The following KSR2 variants were observed in gnomAD, a reference collection of about 807,000 sequenced individuals.
KSR2 encodes the protein kinase suppressor of ras 2.
KSR2 carries 25 observed loss-of-function variants against 107.8 expected under a neutral mutation model. That is an observed-to-expected ratio of 0.23 (90% CI 0.17 to 0.32). KSR2 has a LOEUF of 0.32. KSR2 is among the 10% of genes least tolerant of loss of function. The pLI, the probability that KSR2 is intolerant of heterozygous loss-of-function variation, is 1.00. For missense variants in KSR2, 887 were observed against 1,268.9 expected, an observed-to-expected ratio of 0.70 and a Z score of 4.57; for synonymous variants, 480 against 507.0, an observed-to-expected ratio of 0.95 and a Z score of 0.71.
chr12:117,593,697 G>A (rs1880460113), intron 5 of KSR2, among the ~76,000 whole-genome samples: 1 of 152,238 alleles, frequency 6.6e-6, no homozygotes, highest in African/African-American at 2.4e-5. Flanking sequence ...GTTTACCTGA[G>A]GATCAGACAC....
chr12:117,790,983 C>T (rs1468686923), intron 3 of KSR2, among the ~76,000 whole-genome samples: 10 of 152,196 alleles, frequency 6.6e-5, no homozygotes, highest in Admixed American at 6.5e-4. Context: ...GTTTTGCAAT[C>T]ATGTATCAGA....
At chr12:117,507,682 G>A (rs1373307466) in intron 14 of KSR2, among the ~76,000 whole-genome samples, 1 of 152,130 alleles carries the variant, frequency 6.6e-6, no homozygotes, top group Non-Finnish European at 1.5e-5. Flanking sequence ...TCTTGAGTGG[G>A]TTAAACCTAC....
intron 1 of KSR2, among the ~76,000 whole-genome samples, chr12:117,914,372 C>T (rs927466805): frequency 1.0e-4 from 15 of 147,308 alleles, no homozygotes; most frequent in African/African-American, 3.3e-4. Flanking sequence ...GATGCTGCAG[C>T]GAGTCGAAAT....
intron 7 of KSR2, among the ~76,000 whole-genome samples, chr12:117,569,434 A>G (rs1295774326): frequency 1.3e-5 from 2 of 152,224 alleles, no homozygotes; most frequent in African/African-American, 2.4e-5. Flanking sequence ...GCAGGAGGAA[A>G]GAGGACTCGT....
At chr12:117,489,006 G>A (rs1872613016) in intron 14 of KSR2, among the ~76,000 whole-genome samples, 1 of 152,170 alleles carries the variant, frequency 6.6e-6, no homozygotes, top group Non-Finnish European at 1.5e-5. Flanking sequence ...CCAAGCTACT[G>A]CTAACTGCAA....
chr12:117,693,173 C>CACCA (rs1337376188), intron 4 of KSR2, among the ~76,000 whole-genome samples: 6 of 152,088 alleles, frequency 3.9e-5, no homozygotes, highest in Admixed American at 2.6e-4. Context: ...ACCACCAACC[C>CACCA]ACCACCCCAT....
At chr12:117,546,577 C>A (rs187697762) in intron 9 of KSR2, among the ~76,000 whole-genome samples, 1 of 152,286 alleles carries the variant, frequency 6.6e-6, no homozygotes, top group East Asian at 1.9e-4. Context: ...TCTTTCTCCT[C>A]TTCTCTCTTT....
chr12:117,806,017 T>G (rs929228575), intron 3 of KSR2, among the ~76,000 whole-genome samples: 3 of 151,962 alleles, frequency 2.0e-5, no homozygotes, highest in African/African-American at 7.3e-5. Context: ...AGAAAAGAAA[T>G]GCAGGTTCCA....
chr12:117,519,427 G>T (rs1874597158), intron 14 of KSR2, among the ~76,000 whole-genome samples: 1 of 152,238 alleles, frequency 6.6e-6, no homozygotes, highest in East Asian at 1.9e-4. Flanking sequence ...CAGAGGTTCT[G>T]ATTCAGCGGG....
rs368616877 is a variant in KSR2, at chr12:117,693,357, G to A, written c.987-25699C>T. On this transcript the variant is annotated intron_variant, in intron 4 of 19. Transcript: ENST00000339824. Reference sequence around the variant, plus strand: ...AATCAATCTACAATGAACCACCTATGGGCCACAAATGACTTCCCATTCACC... The same window carrying A: ...AATCAATCTACAATGAACCACCTATAGGCCACAAATGACTTCCCATTCACC... 3.9e-5 allele frequency among the ~76,000 whole-genome samples: 6 copies of A among 152,324 alleles called. 1 individual carries two copies. The highest frequency in any genetic ancestry group is 1.4e-4 in the African/African-American group (6 of 41,560).
At chr12:117,603,510 A>T (rs1881069169) in intron 5 of KSR2, among the ~76,000 whole-genome samples, 1 of 152,194 alleles carries the variant, frequency 6.6e-6, no homozygotes, top group Non-Finnish European at 1.5e-5. Flanking sequence ...TGGAATGTTT[A>T]AATTGGCTGT....
At chr12:117,900,541 G>A (rs1894651500) in intron 1 of KSR2, among the ~76,000 whole-genome samples, 1 of 152,066 alleles carries the variant, frequency 6.6e-6, no homozygotes, top group Admixed American at 6.6e-5. Flanking sequence ...TGTGTGCCAG[G>A]CACAGTGCTA....
rs138854906 is a variant in KSR2 at position 117,757,839 on chromosome 12, C to A, written c.986+3172G>T. On this transcript the variant is annotated intron_variant, in intron 4 of 19. Coordinates refer to ENST00000339824, the MANE Select transcript of KSR2 (RefSeq NM_173598.6). ...GTATAAAACATAACTATTCTATGTACTGGGAAACCCAAAATTCGTGTCATT... is the reference window on the plus strand; with the variant it reads ...GTATAAAACATAACTATTCTATGTAATGGGAAACCCAAAATTCGTGTCATT... Among the ~76,000 whole-genome samples the A allele has an allele frequency of 2.4e-4, 36 of 152,340 alleles. No homozygotes were observed. In the East Asian group the frequency reaches 6.4e-3, roughly 27 times the overall value.
intron 1 of KSR2, among the ~76,000 whole-genome samples, chr12:117,922,341 G>A (rs773080044): frequency 2.6e-5 from 4 of 152,158 alleles, no homozygotes; most frequent in Non-Finnish European, 5.9e-5. Flanking sequence ...ACAACATAAT[G>A]AGCCCCTTGG....
At chr12:117,766,995 C>T (rs1889253032) in intron 3 of KSR2, among the ~76,000 whole-genome samples, 1 of 151,848 alleles carries the variant, frequency 6.6e-6, no homozygotes, top group Non-Finnish European at 1.5e-5. Context: ...AGCGATTCTC[C>T]TGCCTCAGCC....
intron 5 of KSR2, among the ~76,000 whole-genome samples, chr12:117,605,155 G>T (rs1406409517): frequency 1.3e-5 from 2 of 152,150 alleles, no homozygotes; most frequent in Non-Finnish European, 2.9e-5. Flanking sequence ...GAGGAATGGG[G>T]TGTTCTAAGG....
intron 5 of KSR2, among the ~76,000 whole-genome samples, chr12:117,597,568 C>T (rs1880719831): frequency 6.6e-6 from 1 of 152,106 alleles, no homozygotes; most frequent in African/African-American, 2.4e-5. Context: ...CTCATTCTTC[C>T]GGAGAGCCTC....
chr12:117,873,069 C>T (rs1330503991), intron 1 of KSR2, among the ~76,000 whole-genome samples: 1 of 152,028 alleles, frequency 6.6e-6, no homozygotes, highest in Non-Finnish European at 1.5e-5. Context: ...GCCATGTGCC[C>T]GCCAGGTACA....
intron 4 of KSR2, among the ~76,000 whole-genome samples, chr12:117,760,752 T>C (rs1888972056): frequency 6.6e-6 from 1 of 152,232 alleles, no homozygotes; most frequent in Non-Finnish European, 1.5e-5. Context: ...ATACCTTTTA[T>C]TTACAAAATC....
Sources: allele counts gnomAD v4.1 joint callset (sites outside exome capture counted in the v4.1 genomes callset), GRCh38; gene constraint gnomAD v4.1.1; transcripts MANE v1.5; gene names NCBI Gene and HGNC (gene_info 2026-07-23, HGNC 2026-07-21).